The following MYO1C variants were observed in gnomAD, a reference collection of about 807,000 sequenced individuals.
MYO1C encodes unconventional myosin-Ic.
Under a neutral mutation model 150.8 loss-of-function variants are expected in MYO1C, and 104 were observed. The ratio of observed to expected loss-of-function variants is 0.69; its 90% CI spans 0.59 to 0.81. The LOEUF is 0.81. MYO1C is among the 30% of genes least tolerant of loss of function. The probability of loss-of-function intolerance (pLI) is 0.00; values close to 1 mark genes in which losing one functional copy is unlikely to be tolerated. For synonymous variants in MYO1C, 663 were observed against 579.9 expected, an observed-to-expected ratio of 1.14 and a Z score of -2.06; for missense variants, 1,504 against 1,435.0, an observed-to-expected ratio of 1.05 and a Z score of -0.78.
chr17:1,477,998 T>A, intron 12 of MYO1C, 27 bp from the exon 13 acceptor site: 1 of 1,613,186 alleles, frequency 6.2e-7, no homozygotes, highest in South Asian at 1.1e-5. Flanking sequence ...AAGGAAGGGA[T>A]CACCGTGGGG....
Position 1,478,796 on chromosome 17 carries a change from C to T in MYO1C, c.1093-61G>A. The T allele has an allele frequency of 6.2e-7, 1 of 1,606,012 alleles. No homozygotes were observed. Among genetic ancestry groups the T allele is most frequent in the Non-Finnish European group, 8.5e-7 (1 of 1,179,660 alleles). On this transcript the variant is annotated intron_variant, in intron 9 of 31. Coordinates refer to ENST00000648651, the MANE Select transcript of MYO1C (RefSeq NM_001080779.2). This position sits in a 1 kb window ranked among gnomAD's most constrained non-coding sequence, Gnocchi z 6.3. ...ACAGAGCCTGTGCATCCCACCTGCT[C>T]CCAGGCTCAGGCAGACCAGGAAGCC... is the stretch of plus-strand genomic sequence containing the variant.
chr17:1,492,049 C>T (rs993243412), intron 1 of MYO1C: 4 of 350,246 alleles, frequency 1.1e-5, no homozygotes, highest in Non-Finnish European at 2.2e-5. Flanking sequence ...TGGGCGGTCC[C>T]AGCCCTGCGG....
At chr17:1,469,272 T>C in intron 25 of MYO1C, 1 of 514,790 alleles carries the variant, frequency 1.9e-6, no homozygotes, top group South Asian at 2.0e-5. Context: ...TAGATTGCGG[T>C]AAATAGAGTA....
Position 1,467,560 on chromosome 17 carries a change from C to T in MYO1C, c.2985G>A (p.Gln995=). ...TCAGCGTCTCAATCACGTGGTCACT[C>T]TGCAGCACCACATCTCCCTGGGGGG... ...DNKQKGDVVL[Q]SDHVIETLTK... Residue 995 remains glutamine (Q), a synonymous_variant, in exon 30 of 32, where the codon CAG becomes CAA. Coordinates refer to ENST00000648651, the MANE Select transcript of MYO1C (RefSeq NM_001080779.2). 6.2e-7 allele frequency: 1 copy of T among 1,613,454 alleles called. No individual in the cohort carries two copies.
chr17:1,470,547 CTCTA>C, intron 22 of MYO1C, 28 bp from the exon 23 acceptor site: 18 of 1,561,414 alleles, frequency 1.2e-5, no homozygotes, highest in Non-Finnish European at 1.6e-5. Context: ...GATGGCTGAA[CTCTA>C]TCTTCTTACC....
chr17:1,482,468 T>A lies in MYO1C; in HGVS notation c.627+10A>T. The A allele has an allele frequency of 6.2e-7, 1 of 1,612,610 alleles. No individual in the cohort carries two copies. The highest frequency in any genetic ancestry group is 8.5e-7 in the Non-Finnish European group (1 of 1,178,662). ...AATGGGAATCCTCACGACACACACATCCATGGTACCTTGAAGTCAAACTGC... is the reference window on the plus strand; with the variant it reads ...AATGGGAATCCTCACGACACACACAACCATGGTACCTTGAAGTCAAACTGC... On this transcript the variant is annotated intron_variant, in intron 5 of 31. Coordinates refer to ENST00000648651, the MANE Select transcript of MYO1C (RefSeq NM_001080779.2).
rs748273564 is a variant in MYO1C, at chr17:1,474,639, C to T, written c.1768G>A (p.Glu590Lys). The change falls in exon 17 of 32, where the codon GAG becomes AAG. Residue 590 changes from glutamate (E) to lysine (K), a missense_variant. Transcript: ENST00000648651. The stretch of plus-strand genomic sequence containing the variant: ...TCTGGCCGCTTCTTGTCACTGAGCT[C>T]GCTCCGGTCAAAGCACTGGCTCATA... ...PIMSQCFDRS[E>K]LSDKKRPETV... 7.4e-6 allele frequency: 12 copies of T among 1,613,834 alleles called. No homozygotes were observed. Among genetic ancestry groups the T allele is most frequent in the African/African-American group, 5.3e-5 (4 of 74,910 alleles).
chr17:1,467,387 C>G, intron 30 of MYO1C, 46 bp from the exon 31 acceptor site: 1 of 1,597,962 alleles, frequency 6.3e-7, no homozygotes, highest in Non-Finnish European at 8.5e-7. Context: ...AGGCAGACCC[C>G]CAACCCTAAG....
chr17:1,480,795 A>G lies in MYO1C; in HGVS notation c.718T>C (p.Phe240Leu). 4.3e-6 allele frequency: 7 copies of G among 1,614,148 alleles called. No homozygotes were observed. The highest frequency in any genetic ancestry group is 4.2e-6 in the Non-Finnish European group (5 of 1,180,018). ...TCGCCCCCCTCCAGCAGCTGGTAGA[A>G]GATGTGGAAGTTCCGCTCCCCATGA... The part of the protein sequence containing the change: ...QNHGERNFHI[F>L]YQLLEGGEEE... Residue 240 changes from phenylalanine (F) to leucine (L), a missense_variant, in exon 6 of 32, where the codon TTC becomes CTC. Physicochemically the swap from Phe to Leu is conservative, Grantham distance 22 (BLOSUM62 0). Transcript: ENST00000648651.
Position 1,477,947 on chromosome 17 carries a change from T to G in MYO1C, c.1426A>C (p.Asn476His), listed in dbSNP as rs754634167. Residue 476 changes from asparagine to histidine, a missense_variant, in exon 13 of 32, where the codon AAC becomes CAC. Coordinates refer to ENST00000648651, the MANE Select transcript of MYO1C (RefSeq NM_001080779.2). Reference protein sequence around the residue: ...IAWEPVQYFNNKIICDLVEEK... With the variant: ...IAWEPVQYFNHKIICDLVEEK... Reference sequence around the variant, plus strand: ...TCCACCAGATCACAGATGATTTTGTTGTTGAAATACTGGACGGGCTCCCAC... The same window carrying G: ...TCCACCAGATCACAGATGATTTTGTGGTTGAAATACTGGACGGGCTCCCAC... 5.0e-6 allele frequency: 8 copies of G among 1,614,136 alleles called. No individual in the cohort carries two copies. In the South Asian group the frequency reaches 8.8e-5, roughly 18 times the overall value.
At chr17:1,474,427 C>CAAA (rs869242496) in intron 17 of MYO1C, among the ~76,000 whole-genome samples, 183 bp downstream of exon 17, 2 of 85,700 alleles carry the variant, frequency 2.3e-5, no homozygotes, top group South Asian at 4.8e-4. Context: ...GACCCTGTCT[C>CAAA]AAAAAAAAAA....
At chr17:1,483,123 G>T in intron 3 of MYO1C, 64 bp from the exon 4 acceptor site, 2 of 1,471,750 alleles carry the variant, frequency 1.4e-6, no homozygotes, top group Non-Finnish European at 1.8e-6. Flanking sequence ...CGAGAGTCCC[G>T]CTCCCACATC....
Position 1,479,404 on chromosome 17 carries a change from C to T in MYO1C, c.1092+27G>A, listed in dbSNP as rs1181585555. ...CTGCCTTGGAACAGCTGCCCCTCCACACCCGAGGGCAAGGGCCCGGCCTCA... is the reference window on the plus strand; with the variant it reads ...CTGCCTTGGAACAGCTGCCCCTCCATACCCGAGGGCAAGGGCCCGGCCTCA... On this transcript the variant is annotated intron_variant, in intron 9 of 31. Transcript: ENST00000648651. The surrounding 1 kb of genome is among the most constrained non-coding windows in gnomAD (Gnocchi z 4.2). 36 of 1,092,302 alleles carry T rather than the reference C, an allele frequency of 3.3e-5. No individual in the cohort carries two copies. Among genetic ancestry groups the T allele is most frequent in the Non-Finnish European group, 4.8e-5 (35 of 736,714 alleles). 67.7% of individuals were successfully genotyped at this position (1,092,302 alleles called of 1,614,324 possible).
chr17:1,478,303 C>T lies in MYO1C; in HGVS notation c.1295+107G>A. The T allele has an allele frequency of 1.9e-6, 3 of 1,557,994 alleles. No homozygotes were observed. Among genetic ancestry groups the T allele is most frequent in the Non-Finnish European group, 2.7e-6 (3 of 1,129,516 alleles). ...AGGAGGTGAGAAACACAGAGACAGT[C>T]CCCGGCTGGCTGGGGAGTCACAGGG... On this transcript the variant is annotated intron_variant, in intron 11 of 31. Transcript: ENST00000648651. The surrounding 1 kb of genome is among the most constrained non-coding windows in gnomAD (Gnocchi z 6.3).
rs2074268089 is a variant in MYO1C, at chr17:1,470,100, CT to C, written c.2526+74del. 5.4e-6 allele frequency: 8 copies of C among 1,471,526 alleles called. No individual in the cohort carries two copies. The South Asian group carries it at 1.0e-4, about 19-fold the overall frequency. The allele number at this position is 1,471,526 out of a possible 1,614,324, so 91.2% of individuals were successfully genotyped here. On this transcript the variant is annotated intron_variant, in intron 24 of 31. Transcript: ENST00000648651. ...CTCCGTGAGCCCTCCCTGACCAATC[CT>C]TTGGCCCGAAGAAATCAGACCCTTC...
At chr17:1,483,181 A>G in intron 3 of MYO1C, 122 bp from the exon 4 acceptor site, 1 of 993,228 alleles carries the variant, frequency 1.0e-6, no homozygotes, top group Non-Finnish European at 1.5e-6. Context: ...GAGGATGGGG[A>G]CTGGGGGTCC....
At chr17:1,482,041 A>T (rs1399165860) in intron 5 of MYO1C, among the ~76,000 whole-genome samples, 1 of 151,482 alleles carries the variant, frequency 6.6e-6, no homozygotes, top group Non-Finnish European at 1.5e-5. Flanking sequence ...ATCTCCATCA[A>T]GCCATTATTT....
intron 31 of MYO1C, among the ~76,000 whole-genome samples, chr17:1,466,861 G>A (rs933657979): frequency 6.6e-6 from 1 of 151,160 alleles, no homozygotes; most frequent in Non-Finnish European, 1.5e-5. Flanking sequence ...TCCTGATCTC[G>A]GGTGATCCAC....
rs987242817 is a variant in MYO1C, at chr17:1,491,748, G to GGCCCC, written c.75+660_75+664dup. ...TCCCGGGCAGGGCCGCGCACCCTCC[G>GGCCCC]GCCCCGCCCCGCCCCGCCTCAGCCC... On this transcript the variant is annotated intron_variant, in intron 1 of 31. Coordinates refer to ENST00000648651, the MANE Select transcript of MYO1C (RefSeq NM_001080779.2). The GGCCCC allele has an allele frequency of 2.0e-4, 138 of 676,768 alleles. No individual in the cohort carries two copies. The South Asian group carries it at 7.7e-3, about 38-fold the overall frequency. 41.9% of individuals were successfully genotyped at this position (676,768 alleles called of 1,614,324 possible).
Sources: gnomAD v4.1 joint callset for allele counts (sites outside exome capture counted in the v4.1 genomes callset) on GRCh38, gnomAD v4.1.1 for gene constraint, Gnocchi (gnomAD v3.1) non-coding constraint, MANE v1.5 for transcripts, NCBI Gene and HGNC (gene_info 2026-07-23, HGNC 2026-07-21) for gene names.